The following CYP2A7 variants were observed in gnomAD, a reference collection of about 807,000 sequenced individuals.
CYP2A7 encodes cytochrome P450 2A7.
Under a neutral mutation model 42.0 loss-of-function variants are expected in CYP2A7, and 36 were observed. The ratio of observed to expected loss-of-function variants is 0.86; its 90% CI spans 0.66 to 1.13. The LOEUF (loss-of-function observed/expected upper bound fraction) is 1.13. Ranked by LOEUF, CYP2A7 falls within the 50% of genes most tolerant of loss-of-function variation. The pLI, the probability that CYP2A7 is intolerant of heterozygous loss-of-function variation, is 0.00. For synonymous variants in CYP2A7, 260 were observed against 249.5 expected, an observed-to-expected ratio of 1.04 and a Z score of -0.40; for missense variants, 661 against 634.1, an observed-to-expected ratio of 1.04 and a Z score of -0.46.
In CYP2A7 at chr19:40,877,893, C is replaced by A. The variant is rs146193813; in HGVS notation, c.932G>T (p.Arg311Leu). 1 of 1,611,754 alleles carries A rather than the reference C, an allele frequency of 6.2e-7. No homozygotes were observed. Among genetic ancestry groups the A allele is most frequent in the Admixed American group, 1.7e-5 (1 of 59,574 alleles). The change falls in exon 6 of 9, where the codon CGC (arginine) becomes CTC (leucine). Residue 311 changes from arginine (R) to leucine (L), a missense_variant. Coordinates refer to ENST00000301146, the MANE Select transcript of CYP2A7 (RefSeq NM_000764.3). ...AGTETVSTTL[R>L]YGFLLLMKHP... ...CTTCATGAGCAGCAAGAAGCCATAG[C>A]GCAGGGTGGTGCTGACCGTCTCGGT...
chr19:40,876,331 T>C (rs1475171838), intron 8 of CYP2A7, 196 bp downstream of exon 8: 1 of 874,726 alleles, frequency 1.1e-6, no homozygotes, highest in Non-Finnish European at 1.8e-6. Flanking sequence ...GGGAAAGATG[T>C]TTCCTTTCCT....
At chr19:40,878,299 G>A (rs1249318310) in intron 5 of CYP2A7, among the ~76,000 whole-genome samples, 1 of 151,554 alleles carries the variant, frequency 6.6e-6, no homozygotes, top group Non-Finnish European at 1.5e-5. Context: ...TCGAACTCCT[G>A]GGCTCAAGCA....
In CYP2A7 at chr19:40,877,851, C is replaced by T. The variant is rs1194928836; in HGVS notation, c.973+1G>A. The T allele has an allele frequency of 6.2e-7, 1 of 1,603,370 alleles. No individual in the cohort carries two copies. The highest frequency in any genetic ancestry group is 1.3e-5 in the African/African-American group (1 of 74,296). ...CCACTTCCGTCCCCCTCCAGCCTTACCCTCCACCTCTGGGTGCTTCATGAG... is the reference window on the plus strand; with the variant it reads ...CCACTTCCGTCCCCCTCCAGCCTTATCCTCCACCTCTGGGTGCTTCATGAG... On this transcript the variant is annotated splice_donor_variant, in intron 6 of 8. Transcript: ENST00000301146. LOFTEE classifies it high-confidence loss of function.
In CYP2A7 at chr19:40,875,466, T is replaced by C. The variant is rs1314205181; in HGVS notation, c.*227A>G. The stretch of plus-strand genomic sequence containing the variant: ...AGGAAATAAGAGCTGCTATTATTAC[T>C]ACTCTTCATAGCATAATGTAAGGTT... On this transcript the variant is annotated 3_prime_UTR_variant, in exon 9 of 9. Coordinates refer to ENST00000301146, the MANE Select transcript of CYP2A7 (RefSeq NM_000764.3). 4.7e-5 allele frequency: 28 copies of C among 589,934 alleles called. No individual in the cohort carries two copies. Among genetic ancestry groups the C allele is most frequent in the Non-Finnish European group, 7.5e-5 (25 of 333,626 alleles). The allele number at this position is 589,934 out of a possible 1,614,324, so 36.5% of individuals were successfully genotyped here.
rs370262741 is a variant in CYP2A7 at position 40,880,647 on chromosome 19, G to T, written c.344-19C>A. Reference sequence around the variant, plus strand: ...GCCACGCCTGGGGAGGTCAAGGCGGGGGTGGAGAGAGGTCAGGGGGCGGCG... The same window carrying T: ...GCCACGCCTGGGGAGGTCAAGGCGGTGGTGGAGAGAGGTCAGGGGGCGGCG... On this transcript the variant is annotated intron_variant, in intron 2 of 8. Coordinates refer to ENST00000301146, the MANE Select transcript of CYP2A7 (RefSeq NM_000764.3). The T allele has an allele frequency of 6.3e-7, 1 of 1,588,216 alleles. No homozygotes were observed. Among genetic ancestry groups the T allele is most frequent in the Non-Finnish European group, 8.6e-7 (1 of 1,164,992 alleles).
rs747159797 is a variant in CYP2A7, at chr19:40,877,829, C to G, written c.973+23G>C. The G allele has an allele frequency of 1.0e-5, 16 of 1,590,930 alleles. No individual in the cohort carries two copies. In the South Asian group the frequency reaches 1.6e-4, roughly 16 times the overall value. ...AATTTTGAGGGTCTGGGGCCCTCCA[C>G]TTCCGTCCCCCTCCAGCCTTACCCT... On this transcript the variant is annotated intron_variant, in intron 6 of 8. Transcript: ENST00000301146.
Position 40,875,785 on chromosome 19 carries a change from A to G in CYP2A7, c.1393T>C (p.Ser465Pro), listed in dbSNP as rs1967515531. 5 of 1,601,888 alleles carry G rather than the reference A, an allele frequency of 3.1e-6. No homozygotes were observed. Among genetic ancestry groups the G allele is most frequent in the African/African-American group, 1.3e-5 (1 of 74,208 alleles). The change falls in exon 9 of 9, where the codon TCC (serine) becomes CCC (proline). Residue 465 changes from serine (S) to proline (P), a missense_variant. By Grantham distance (74) the Ser-to-Pro change is moderately conservative. Around this residue, in one of 3 missense-constraint regions of CYP2A7, gnomAD observed 25 missense variants for 62.4 expected, o/e 0.40. Transcript: ENST00000301146. ...TVMQNFRLKS[S>P]QSPKDIDVSP... ...ACGTCAATGTCCTTAGGTGACTGGG[A>G]GGACTTGAGGCGGAAGTTCTGCATG...
rs1394123358 is a variant in CYP2A7, at chr19:40,877,948, T to C, written c.877A>G (p.Met293Val). 1 of 1,612,530 alleles carries C rather than the reference T, an allele frequency of 6.2e-7. No individual in the cohort carries two copies. Among genetic ancestry groups the C allele is most frequent in the Admixed American group, 1.7e-5 (1 of 59,782 alleles). The change falls in exon 6 of 9, where the codon ATG (methionine) becomes GTG (valine). Residue 293 changes from methionine to valine, a missense_variant. Around this residue, in one of 3 missense-constraint regions of CYP2A7, gnomAD observed 614 missense variants for 552.4 expected, o/e 1.11. Transcript: ENST00000301146. ...NTEFYLKNLM[M>V]STLNLFIAGT... ...GCAATGAAGAGGTTCAACGTGCTCA[T>C]CATCAGGTTCTTCAAGTAGAACTCC...
intron 3 of CYP2A7, 25 bp from the exon 4 acceptor site, chr19:40,880,269 G>T (rs771500127): frequency 1.9e-6 from 3 of 1,611,852 alleles, no homozygotes; most frequent in African/African-American, 1.3e-5. Flanking sequence ...GGAGAAGGGG[G>T]TTGGGGAGAG....
rs147570552 is a variant in CYP2A7, at chr19:40,877,258, C to T, written c.1093G>A (p.Val365Met). 415 of 1,612,632 alleles carry T rather than the reference C, an allele frequency of 2.6e-4. 9 individuals carry two copies. Among genetic ancestry groups the T allele is most frequent in the Non-Finnish European group, 3.3e-4 (385 of 1,179,192 alleles). The change falls in exon 7 of 9, where the codon GTG (valine) becomes ATG (methionine). Residue 365 changes from valine (V) to methionine (M), a missense_variant. This residue lies in a region of CYP2A7 where 614 missense variants were observed against 552.4 expected (regional missense o/e 1.11). Coordinates refer to ENST00000301146, the MANE Select transcript of CYP2A7 (RefSeq NM_000764.3). ...VIHEIQRFGD[V>M]IPMSLARRVK... ...CTGCGGGCCAAACTCATGGGGATCA[C>T]GTCTCCAAATCTTTGGATCTCGTGG...
intron 1 of CYP2A7, 102 bp from the exon 2 acceptor site, chr19:40,881,853 C>T: frequency 6.5e-7 from 1 of 1,541,516 alleles, no homozygotes; most frequent in Middle Eastern, 1.9e-4. Context: ...CCCAGGTTCT[C>T]ACAGTCAGGG....
Position 40,875,698 on chromosome 19 carries a change from G to A in CYP2A7, c.1480C>T (p.Arg494Cys), listed in dbSNP as rs773157802. The stretch of plus-strand genomic sequence containing the variant: ...TGCACCGGCACAGCCCTCGCTCAGC[G>A]GGGCAGGAAGCTCATGGTGTAGTTT... Reference protein sequence around the residue: ...PRNYTMSFLPR With the variant: ...PRNYTMSFLPC Residue 494 changes from arginine (R) to cysteine (C), a missense_variant, in exon 9 of 9, where the codon CGC becomes TGC. Arg to Cys is a radical substitution (Grantham distance 180). Transcript: ENST00000301146. 3.4e-5 allele frequency: 55 copies of A among 1,610,062 alleles called. No individual in the cohort carries two copies. The highest frequency in any genetic ancestry group is 1.6e-4 in the Middle Eastern group (1 of 6,064).
At chr19:40,877,032 A>T in intron 7 of CYP2A7, 158 bp downstream of exon 7, 1 of 808,152 alleles carries the variant, frequency 1.2e-6, no homozygotes, top group Non-Finnish European at 2.0e-6. Flanking sequence ...AGGAGTGTCT[A>T]AGTGGAAAGG....
At chr19:40,879,646 G>A (rs752243787) in intron 4 of CYP2A7, among the ~76,000 whole-genome samples, 7 of 151,594 alleles carry the variant, frequency 4.6e-5, no homozygotes, top group Non-Finnish European at 1.0e-4. Flanking sequence ...AGATATTCCA[G>A]TGGGCTAATC....
intron 5 of CYP2A7, 65 bp downstream of exon 5, chr19:40,878,695 C>G: frequency 1.3e-6 from 2 of 1,591,786 alleles, no homozygotes; most frequent in South Asian, 1.1e-5. Context: ...TCTGCCCGCC[C>G]CACTCCCAGT....
rs775445521 is a variant in CYP2A7, at chr19:40,878,804, A to C, written c.787T>G (p.Ser263Ala). The C allele has an allele frequency of 6.2e-7, 1 of 1,611,438 alleles. No individual in the cohort carries two copies. Among genetic ancestry groups the C allele is most frequent in the Non-Finnish European group, 8.5e-7 (1 of 1,178,456 alleles). The stretch of plus-strand genomic sequence containing the variant: ...AAGGAGTCGATGAAGTCCTGTGGGG[A>C]ATTGGGATCCAGCGTGCGCTGGTTG... The part of the protein sequence containing the change: ...EHNQRTLDPN[S>A]PQDFIDSFLI... Residue 263 changes from serine to alanine, a missense_variant, in exon 5 of 9, where the codon TCC (serine) becomes GCC (alanine). By Grantham distance (99) the Ser-to-Ala change is moderately conservative. Around this residue, in one of 3 missense-constraint regions of CYP2A7, gnomAD observed 614 missense variants for 552.4 expected, o/e 1.11. Transcript: ENST00000301146.
Position 40,880,478 on chromosome 19 carries a change from C to G in CYP2A7, c.493+1G>C. 1 of 1,612,432 alleles carries G rather than the reference C, an allele frequency of 6.2e-7. No individual in the cohort carries two copies. The highest frequency in any genetic ancestry group is 2.2e-5 in the East Asian group (1 of 44,862). ...CCCCGCACTCGGGGAACCTTACTCA[C>G]CGTGCGTGCTCCGGATGGCCTCGAT... On this transcript the variant is annotated splice_donor_variant, in intron 3 of 8. Transcript: ENST00000301146. LOFTEE classifies it high-confidence loss of function.
Position 40,880,125 on chromosome 19 carries a change from T to G in CYP2A7, c.613A>C (p.Met205Leu). 6.2e-7 allele frequency: 1 copy of G among 1,612,930 alleles called. No individual in the cohort carries two copies. Among genetic ancestry groups the G allele is most frequent in the Non-Finnish European group, 8.5e-7 (1 of 1,179,228 alleles). The change falls in exon 4 of 9, where the codon ATG (methionine) becomes CTG (leucine). Residue 205 changes from methionine (M) to leucine (L), a missense_variant. Transcript: ENST00000301146. ...DKEFLSLLSM[M>L]LGIFQFTSTS... The stretch of plus-strand genomic sequence containing the variant: ...GACGTGAACTGGAAGATTCCTAGCA[T>G]CATGCTCAGCAGTGACAGGAACTCT...
intron 2 of CYP2A7, among the ~76,000 whole-genome samples, 156 bp from the exon 3 acceptor site, chr19:40,880,784 C>G (rs543277967): frequency 3.6e-5 from 1 of 28,060 alleles, no homozygotes; most frequent in East Asian, 8.6e-4. Context: ...CAAACTCAGT[C>G]AGAGAAACAC....
Sources: allele counts gnomAD v4.1 joint callset (sites outside exome capture counted in the v4.1 genomes callset), GRCh38; gene constraint gnomAD v4.1.1; regional missense constraint gnomAD v4.1.1; transcripts MANE v1.5; gene names NCBI Gene and HGNC (gene_info 2026-07-23, HGNC 2026-07-21).